Variants in DAAM1 observed in about 807,000 individuals in gnomAD.
DAAM1 encodes the protein disheveled-associated activator of morphogenesis 1.
In DAAM1, 52 loss-of-function variants were observed where a neutral mutation model predicts 130.0. The ratio of observed to expected loss-of-function variants is 0.40; its 90% CI spans 0.32 to 0.50. The LOEUF (loss-of-function observed/expected upper bound fraction) is 0.50, where lower values mean the gene tolerates loss of function less well. DAAM1 is among the 20% of genes least tolerant of loss of function. The pLI is 0.61. For missense variants in DAAM1, 1,134 were observed against 1,303.8 expected (o/e 0.87, Z 2.01); for synonymous variants, 452 against 444.5 (o/e 1.02, Z -0.21).
At position 59,367,504 on chromosome 14, in the gene DAAM1, C is replaced by G; in HGVS notation, c.2902C>G (p.Gln968Glu). 1 of 1,613,582 alleles carries G rather than the reference C, an allele frequency of 6.2e-7. No individual in the cohort carries two copies. The highest frequency in any genetic ancestry group is 8.5e-7 in the Non-Finnish European group (1 of 1,179,772). ...QPDEFFGIFD[Q>E]FLQAVSEAKQ... ...AGATGAGTTCTTTGGCATTTTTGAT[C>G]AATTTCTTCAAGCTGTGTCAGAAGC... Residue 968 changes from glutamine (Q) to glutamate (E), a missense_variant, in exon 24 of 25, where the codon CAA becomes GAA. Gln to Glu is a conservative substitution (Grantham distance 29). Coordinates refer to ENST00000360909, the MANE Select transcript of DAAM1 (RefSeq NM_001270520.2).
chr14:59,322,770 A>G (rs1184444419), intron 5 of DAAM1, 122 bp from the exon 6 acceptor site: 4 of 763,192 alleles, frequency 5.2e-6, no homozygotes, highest in East Asian at 5.0e-5. Context: ...GACTTCATCA[A>G]TGTAAGCCTT....
rs146409735 is a variant in DAAM1, at chr14:59,276,619, A to T, written c.183+12959A>T. On this transcript the variant is annotated intron_variant, in intron 2 of 24. Transcript: ENST00000360909. ...AACCCTTTCTGGGTGGAGTTAGGAT[A>T]GGTGAATTGGGGCTGTTTATTCTGG... Among the ~76,000 whole-genome samples, 62 of 152,342 alleles carry T rather than the reference A, an allele frequency of 4.1e-4. No individual in the cohort carries two copies. The East Asian group carries it at 8.7e-3, about 21-fold the overall frequency.
At chr14:59,251,016 T>C (rs1881614517) in intron 1 of DAAM1, among the ~76,000 whole-genome samples, 1 of 152,220 alleles carries the variant, frequency 6.6e-6, no homozygotes, top group Non-Finnish European at 1.5e-5. Flanking sequence ...GAATCACCTA[T>C]GGGGCTTGGA....
Position 59,331,408 on chromosome 14 carries a change from T to A in DAAM1, c.1760T>A (p.Met587Lys). The change falls in exon 14 of 25, where the codon ATG (methionine) becomes AAG (lysine). Residue 587 changes from methionine (M) to lysine (K), a missense_variant. Physicochemically the swap from Met to Lys is moderately conservative, Grantham distance 95. This residue lies in a region of DAAM1 where 644 missense variants were observed against 695.9 expected (regional missense o/e 0.93). Coordinates refer to ENST00000360909, the MANE Select transcript of DAAM1 (RefSeq NM_001270520.2). ...GGGCCTCCTCCCTTAGGGGCAATCA[T>A]GCCACCTCCTGGTGCTCCAATGGGC... ...PPGPPPLGAI[M>K]PPPGAPMGLA... is the part of the protein sequence containing the mutation. The A allele has an allele frequency of 6.2e-7, 1 of 1,604,320 alleles. No homozygotes were observed.
intron 1 of DAAM1, among the ~76,000 whole-genome samples, chr14:59,199,069 G>A (rs1043121847): frequency 1.4e-4 from 22 of 152,092 alleles, no homozygotes; most frequent in Admixed American, 1.0e-3. Context: ...CCGATTTTTC[G>A]CCCCCAGTTT....
intron 1 of DAAM1, among the ~76,000 whole-genome samples, chr14:59,226,317 T>C (rs966643613): frequency 6.6e-6 from 1 of 152,202 alleles, no homozygotes; most frequent in Admixed American, 6.5e-5. Context: ...TCTTTTCCTT[T>C]TAGTTGATAT....
rs1173152637 is a variant in DAAM1, at chr14:59,326,951, A to G, written c.1332A>G (p.Glu444=). 21 of 1,613,906 alleles carry G rather than the reference A, an allele frequency of 1.3e-5. No individual in the cohort carries two copies. In the Admixed American group the frequency reaches 3.3e-4, roughly 26 times the overall value. ...TACACAGGTTGGTTAATGAAAATGA[A>G]GTTAAGCAGTGGAAAGAACAAGCGG... The part of the protein sequence containing the change: ...NVVRMLVNEN[E]VKQWKEQAEK... Residue 444 remains glutamate, a synonymous_variant, in exon 12 of 25, where the codon GAA becomes GAG. Coordinates refer to ENST00000360909, the MANE Select transcript of DAAM1 (RefSeq NM_001270520.2).
chr14:59,202,938 A>G (rs997090741), intron 1 of DAAM1, among the ~76,000 whole-genome samples: 6 of 151,882 alleles, frequency 4.0e-5, no homozygotes, highest in African/African-American at 1.4e-4. Context: ...AGGGAAATGT[A>G]TTAGCATAGC....
intron 2 of DAAM1, chr14:59,266,162 A>T (rs1882429222): frequency 6.6e-6 from 1 of 151,910 alleles, no homozygotes; most frequent in African/African-American, 2.4e-5. Flanking sequence ...TGTTTGGATT[A>T]AAAAAAAGAA....
intron 1 of DAAM1, among the ~76,000 whole-genome samples, chr14:59,223,685 C>G (rs183914374): frequency 1.6e-3 from 243 of 152,306 alleles, no homozygotes; most frequent in African/African-American, 5.7e-3. Context: ...GAGTAACACG[C>G]CCAAATGCAG....
chr14:59,357,072 G>A (rs949412562), intron 20 of DAAM1, among the ~76,000 whole-genome samples: 3 of 152,246 alleles, frequency 2.0e-5, no homozygotes, highest in Non-Finnish European at 4.4e-5. Flanking sequence ...AATGAGCAGG[G>A]AAGAATCAAA....
intron 1 of DAAM1, among the ~76,000 whole-genome samples, chr14:59,199,845 C>T (rs1324177010): frequency 2.0e-5 from 3 of 152,144 alleles, no homozygotes; most frequent in Non-Finnish European, 4.4e-5. Flanking sequence ...CACTAGATGC[C>T]AGTAACATCC....
chr14:59,217,104 G>A (rs1888606765), intron 1 of DAAM1, among the ~76,000 whole-genome samples: 1 of 152,112 alleles, frequency 6.6e-6, no homozygotes, highest in Admixed American at 6.5e-5. Context: ...GTCTGAAATG[G>A]GCTGGTTTTC....
intron 2 of DAAM1, among the ~76,000 whole-genome samples, chr14:59,272,790 TGGAATGTAGATA>T (rs1395723639): frequency 6.6e-6 from 1 of 152,116 alleles, no homozygotes; most frequent in East Asian, 1.9e-4. Flanking sequence ...AAAGAATAGT[TGGAATGTAGATA>T]TGGGCTTAAA....
Position 59,370,774 on chromosome 14 carries a change from A to AAGAT in DAAM1, c.*1916_*1919dup, listed in dbSNP as rs1329193622. 2.6e-5 allele frequency: 4 copies of AAGAT among 152,270 alleles called. No individual in the cohort carries two copies. Among genetic ancestry groups the AAGAT allele is most frequent in the African/African-American group, 7.2e-5 (3 of 41,558 alleles). The allele number at this position is 152,270 out of a possible 1,614,324, so 9.4% of individuals were successfully genotyped here. A position where few individuals can be genotyped will look rare whatever the true frequency, so the allele number is the denominator to read the frequency against. On this transcript the variant is annotated 3_prime_UTR_variant, in exon 25 of 25. Coordinates refer to ENST00000360909, the MANE Select transcript of DAAM1 (RefSeq NM_001270520.2). ...GGCTCAAAAAGGCTTGGAGATGAGGAAGATTGGAATATAATGATGGTTTTG... is the reference window on the plus strand; with the variant it reads ...GGCTCAAAAAGGCTTGGAGATGAGGAAGATAGATTGGAATATAATGATGGTTTTG...
intron 1 of DAAM1, among the ~76,000 whole-genome samples, chr14:59,195,455 A>G (rs904226637): frequency 2.6e-5 from 4 of 151,892 alleles, no homozygotes; most frequent in Non-Finnish European, 4.4e-5. Context: ...ATCTTGTTAT[A>G]CTTTTTAAGT....
intron 7 of DAAM1, 33 bp downstream of exon 7, chr14:59,324,271 G>T (rs1594823062): frequency 1.4e-6 from 2 of 1,381,640 alleles, no homozygotes; most frequent in East Asian, 2.7e-5. Context: ...AAATATATTA[G>T]TAAATAATAA....
chr14:59,326,695 A>T (rs1038750161), intron 11 of DAAM1, 47 bp downstream of exon 11: 3 of 1,597,120 alleles, frequency 1.9e-6, no homozygotes, highest in East Asian at 2.2e-5. Context: ...GTGACAATGT[A>T]AGATATTTAT....
At chr14:59,189,730 G>A (rs539591653) in intron 1 of DAAM1, among the ~76,000 whole-genome samples, 14 of 152,188 alleles carry the variant, frequency 9.2e-5, no homozygotes, top group Non-Finnish European at 1.8e-4. Context: ...AGACGTGCAG[G>A]AGGCCCAGAG....
Sources: allele counts gnomAD v4.1 joint callset (sites outside exome capture counted in the v4.1 genomes callset), GRCh38; gene constraint gnomAD v4.1.1; regional missense constraint gnomAD v4.1.1; transcripts MANE v1.5; gene names NCBI Gene and HGNC (gene_info 2026-07-23, HGNC 2026-07-21).